FBXL3: variants seen among roughly 807,000 people sequenced by gnomAD.
The protein encoded by FBXL3 is F-box/LRR-repeat protein 3.
FBXL3 carries 14 observed loss-of-function variants against 37.9 expected under a neutral mutation model. The observed-to-expected ratio is 0.37, with a 90% CI of 0.24 to 0.58. FBXL3 has a LOEUF of 0.58. Ranked by LOEUF, FBXL3 falls within the 20% of genes least tolerant of loss-of-function variation. FBXL3 has a pLI of 0.74. For synonymous variants in FBXL3, 194 were observed against 180.1 expected, an observed-to-expected ratio of 1.08 and a Z score of -0.62; for missense variants, 327 against 511.1, an observed-to-expected ratio of 0.64 and a Z score of 3.47.
Position 77,006,797 on chromosome 13 carries a change from G to C in FBXL3, c.*348C>G. 1 of 1,015,220 alleles carries C rather than the reference G, an allele frequency of 9.9e-7. No individual in the cohort carries two copies. Among genetic ancestry groups the C allele is most frequent in the South Asian group, 4.1e-5 (1 of 24,244 alleles). 62.9% of individuals were successfully genotyped at this position (1,015,220 alleles called of 1,614,324 possible). On this transcript the variant is annotated 3_prime_UTR_variant, in exon 5 of 5. Coordinates refer to ENST00000355619, the MANE Select transcript of FBXL3 (RefSeq NM_012158.4). ...GTTTACATTTTTTTTTAAATGCATA[G>C]AGAATATAACATTTCAGAAAACCTA...
At position 77,018,523 on chromosome 13, in the gene FBXL3, C is replaced by T. The variant is rs141265217; in HGVS notation, c.471+77G>A. 5.6e-5 allele frequency: 69 copies of T among 1,231,470 alleles called. No homozygotes were observed. The African/African-American group carries it at 1.0e-3, about 18-fold the overall frequency. 76.3% of individuals were successfully genotyped at this position (1,231,470 alleles called of 1,614,324 possible). On this transcript the variant is annotated intron_variant, in intron 3 of 4. Coordinates refer to ENST00000355619, the MANE Select transcript of FBXL3 (RefSeq NM_012158.4). ...ATATATAACTTTCCTTATACTCACACTGTCAATACAAAAAAAAAAGATTAG... is the reference window on the plus strand; with the variant it reads ...ATATATAACTTTCCTTATACTCACATTGTCAATACAAAAAAAAAAGATTAG...
chr13:77,009,660 G>A (rs1210743457), intron 4 of FBXL3: 3 of 152,202 alleles, frequency 2.0e-5, no homozygotes, highest in African/African-American at 4.8e-5. Flanking sequence ...TAGCGGCAGT[G>A]TAAATTAGTT....
intron 3 of FBXL3, chr13:77,018,023 A>C (rs1221267904): frequency 2.6e-5 from 4 of 151,626 alleles, no homozygotes; most frequent in African/African-American, 7.2e-5. Flanking sequence ...TTGTATTTTA[A>C]GAGAATAGTT....
At chr13:77,019,829 C>A (rs770776183) in intron 2 of FBXL3, among the ~76,000 whole-genome samples, 1 of 151,492 alleles carries the variant, frequency 6.6e-6, no homozygotes, top group Non-Finnish European at 1.5e-5. Context: ...GAAATTATTT[C>A]CTCAGGAAAA....
chr13:77,018,585 A>T lies in FBXL3; in HGVS notation c.471+15T>A, dbSNP rs765592524. The T allele has an allele frequency of 6.4e-7, 1 of 1,553,584 alleles. No individual in the cohort carries two copies. The highest frequency in any genetic ancestry group is 1.3e-5 in the South Asian group (1 of 79,578). On this transcript the variant is annotated intron_variant, in intron 3 of 4. Coordinates refer to ENST00000355619, the MANE Select transcript of FBXL3 (RefSeq NM_012158.4). ...ATTTCTCAGTAATAGATAATAAAAC[A>T]AAAACAGCAGATACCTTTGGTAAAT...
intron 4 of FBXL3, chr13:77,015,155 CT>C (rs542185628): frequency 2.3e-5 from 6 of 262,896 alleles, no homozygotes; most frequent in Non-Finnish European, 3.5e-5. Flanking sequence ...GTCCTTTCCT[CT>C]TTTTTTTCCT....
At position 77,027,082 on chromosome 13, in the gene FBXL3, C is replaced by T. The variant is rs1473473235; in HGVS notation, c.-257G>A. 2.6e-5 allele frequency: 4 copies of T among 152,028 alleles called. No individual in the cohort carries two copies. Among genetic ancestry groups the T allele is most frequent in the African/African-American group, 9.7e-5 (4 of 41,418 alleles). 9.4% of individuals were successfully genotyped at this position (152,028 alleles called of 1,614,324 possible). A position where few individuals can be genotyped will look rare whatever the true frequency, so the allele number is the denominator to read the frequency against. On this transcript the variant is annotated 5_prime_UTR_variant, in exon 1 of 5. Transcript: ENST00000355619. ...CGCGCTGTCTGTGTTCAGGGATCCC[C>T]GGCGCCGCGAGAGACTACCTCAGCG...
In FBXL3 at chr13:77,007,857, A is replaced by C. The variant is rs1187740246; in HGVS notation, c.644-69T>G. On this transcript the variant is annotated intron_variant, in intron 4 of 4. Transcript: ENST00000355619. ...TATCTGTTGAAAAATTCAATCAAGTACATGTCCCACAAAAGTTTGTCACAG... is the reference window on the plus strand; with the variant it reads ...TATCTGTTGAAAAATTCAATCAAGTCCATGTCCCACAAAAGTTTGTCACAG... 6 of 1,358,078 alleles carry C rather than the reference A, an allele frequency of 4.4e-6. No homozygotes were observed. In the Admixed American group the frequency reaches 1.3e-4, roughly 29 times the overall value. The allele number at this position is 1,358,078 out of a possible 1,614,324, so 84.1% of individuals were successfully genotyped here.
intron 1 of FBXL3, among the ~76,000 whole-genome samples, chr13:77,023,559 C>T (rs1016608661): frequency 4.6e-5 from 7 of 152,044 alleles, no homozygotes; most frequent in Non-Finnish European, 7.4e-5. Flanking sequence ...TGTAATCGGA[C>T]TTTTTGGAAA....
At chr13:77,014,281 C>CAAG (rs1203952881) in intron 4 of FBXL3, 1 of 152,242 alleles carries the variant, frequency 6.6e-6, no homozygotes, top group African/African-American at 2.4e-5. Context: ...GAGTGACCAG[C>CAAG]AAGAGACAGG....
intron 4 of FBXL3, among the ~76,000 whole-genome samples, chr13:77,012,151 A>C (rs1422860876): frequency 6.6e-6 from 1 of 152,214 alleles, no homozygotes; most frequent in Non-Finnish European, 1.5e-5. Context: ...TTTTTAGAAT[A>C]ATAAAAGCAT....
chr13:77,023,404 G>A (rs527414059), intron 1 of FBXL3, among the ~76,000 whole-genome samples: 3 of 152,160 alleles, frequency 2.0e-5, no homozygotes, highest in East Asian at 3.9e-4. Flanking sequence ...GCTTGTGTAC[G>A]AGAAAACACA....
At chr13:77,021,892 T>G in intron 1 of FBXL3, 31 bp from the exon 2 acceptor site, 2 of 1,524,288 alleles carry the variant, frequency 1.3e-6, no homozygotes, top group Non-Finnish European at 1.8e-6. Context: ...GTTTTTTTCC[T>G]ACTCAACTTT....
chr13:77,011,576 A>C (rs1481032938), intron 4 of FBXL3, among the ~76,000 whole-genome samples: 1 of 152,090 alleles, frequency 6.6e-6, no homozygotes, highest in African/African-American at 2.4e-5. Flanking sequence ...ACAAAGTATT[A>C]GCCGGGCATA....
At chr13:77,026,320 TC>T in intron 1 of FBXL3, 1 of 985,360 alleles carries the variant, frequency 1.0e-6, no homozygotes, top group African/African-American at 1.7e-5. Flanking sequence ...GGCAGGGGCG[TC>T]CCCTCCTCCC....
rs967480573 is a variant in FBXL3 at position 77,006,928 on chromosome 13, A to C, written c.*217T>G. The C allele has an allele frequency of 7.8e-5, 107 of 1,366,560 alleles. No individual in the cohort carries two copies. Among genetic ancestry groups the C allele is most frequent in the Non-Finnish European group, 8.7e-5 (92 of 1,063,394 alleles). 84.7% of individuals were successfully genotyped at this position (1,366,560 alleles called of 1,614,324 possible). On this transcript the variant is annotated 3_prime_UTR_variant, in exon 5 of 5. Transcript: ENST00000355619. ...TCACATCCGAACCACATTAAAAAAA[A>C]TTCGGAGATATGACTGCTATTACAC...
chr13:77,009,778 A>T (rs1181701410), intron 4 of FBXL3: 1 of 152,246 alleles, frequency 6.6e-6, no homozygotes, highest in African/African-American at 2.4e-5. Context: ...ATTATAAATC[A>T]TTCTACTATA....
chr13:77,015,570 A>G lies in FBXL3; in HGVS notation c.482T>C (p.Ile161Thr). 6.6e-7 allele frequency: 1 copy of G among 1,521,854 alleles called. No homozygotes were observed. Among genetic ancestry groups the G allele is most frequent in the Non-Finnish European group, 8.8e-7 (1 of 1,138,236 alleles). The allele number at this position is 1,521,854 out of a possible 1,614,324, so 94.3% of individuals were successfully genotyped here. Reference sequence around the variant, plus strand: ...TACGAACACAACTGTCAGTGCAGAGATAAAGTGAGACTGAAAAGCAAAAAA... The same window carrying G: ...TACGAACACAACTGTCAGTGCAGAGGTAAAGTGAGACTGAAAAGCAAAAAA... ...SFMDLPKSHF[I>T]SALTVVFVNS... is the part of the protein sequence containing the mutation. Residue 161 changes from isoleucine to threonine, a missense_variant, in exon 4 of 5, where the codon ATC becomes ACC. Transcript: ENST00000355619.
intron 4 of FBXL3, chr13:77,014,825 T>C (rs546802663): frequency 6.6e-6 from 1 of 152,280 alleles, no homozygotes; most frequent in East Asian, 1.9e-4. Context: ...GGAATTTAAG[T>C]AATCTCAAAC....
Sources: allele counts gnomAD v4.1 joint callset (sites outside exome capture counted in the v4.1 genomes callset), GRCh38; gene constraint gnomAD v4.1.1; transcripts MANE v1.5; gene names NCBI Gene and HGNC (gene_info 2026-07-23, HGNC 2026-07-21).